The following SDK1 variants were observed in gnomAD, a reference collection of about 807,000 sequenced individuals.
SDK1 encodes the protein sidekick cell adhesion molecule 1, also known as protein sidekick-1.
SDK1 carries 157 observed loss-of-function variants against 245.5 expected under a neutral mutation model. The ratio of observed to expected loss-of-function variants is 0.64; its 90% CI spans 0.56 to 0.73. The LOEUF (loss-of-function observed/expected upper bound fraction) is 0.73, where lower values mean the gene tolerates loss of function less well. Among genes scored for constraint, SDK1 ranks in the 30% least tolerant of loss-of-function variants. The pLI is 0.00. For synonymous variants in SDK1, 1,647 were observed against 1,278.5 expected (o/e 1.29, Z -6.15); for missense variants, 3,583 against 3,002.3 (o/e 1.19, Z -4.52).
intron 4 of SDK1, among the ~76,000 whole-genome samples, chr7:3,665,911 A>G (rs1212895513): frequency 1.3e-5 from 2 of 152,144 alleles, no homozygotes; most frequent in Non-Finnish European, 2.9e-5. Context: ...CCATTTATGA[A>G]GGGCAGGGAA....
At chr7:3,541,189 T>G (rs1475096519) in intron 1 of SDK1, among the ~76,000 whole-genome samples, 2 of 152,238 alleles carry the variant, frequency 1.3e-5, no homozygotes, top group East Asian at 3.8e-4. Flanking sequence ...AGTGGACTCA[T>G]GGAGTATGTT....
chr7:4,215,477 G>A (rs1446899373), intron 38 of SDK1, among the ~76,000 whole-genome samples: 4 of 152,244 alleles, frequency 2.6e-5, no homozygotes, highest in Non-Finnish European at 5.9e-5. Flanking sequence ...TGCTGCCCTT[G>A]GAACCCAACC....
At chr7:4,148,241 C>G (rs996411153) in intron 29 of SDK1, among the ~76,000 whole-genome samples, 2 of 152,226 alleles carry the variant, frequency 1.3e-5, no homozygotes, top group Non-Finnish European at 1.5e-5. Flanking sequence ...CTCCCACACC[C>G]GCCACTGGGG....
At chr7:3,805,584 G>C (rs899950842) in intron 4 of SDK1, among the ~76,000 whole-genome samples, 3 of 152,206 alleles carry the variant, frequency 2.0e-5, no homozygotes, top group South Asian at 2.1e-4. Context: ...GACCATAGCA[G>C]TTCCCCCAGT....
At chr7:3,501,194 T>C (rs1782199631) in intron 1 of SDK1, among the ~76,000 whole-genome samples, 1 of 152,174 alleles carries the variant, frequency 6.6e-6, no homozygotes, top group African/African-American at 2.4e-5. Flanking sequence ...AGCTCTTTTC[T>C]TGGGGTAACT....
chr7:3,587,376 G>C (rs1158691860), intron 1 of SDK1, among the ~76,000 whole-genome samples: 1 of 152,030 alleles, frequency 6.6e-6, no homozygotes, highest in Admixed American at 6.6e-5. Context: ...TATGGAGGCT[G>C]AGAAGGCCCA....
intron 1 of SDK1, among the ~76,000 whole-genome samples, chr7:3,439,369 A>T (rs1226712459): frequency 6.6e-6 from 1 of 152,194 alleles, no homozygotes; most frequent in Non-Finnish European, 1.5e-5. Flanking sequence ...CAAGCTCCGG[A>T]TGCAGCTGTT....
At chr7:3,788,686 T>C (rs969993229) in intron 4 of SDK1, among the ~76,000 whole-genome samples, 1 of 152,166 alleles carries the variant, frequency 6.6e-6, no homozygotes, top group South Asian at 2.1e-4. Context: ...TCTCATAATG[T>C]TTTAAGTAAG....
intron 44 of SDK1, among the ~76,000 whole-genome samples, chr7:4,249,188 G>A (rs1409207065): frequency 6.6e-6 from 1 of 152,166 alleles, no homozygotes; most frequent in East Asian, 1.9e-4. Flanking sequence ...TGCACAGAGG[G>A]TGTTATCATC....
chr7:3,512,873 T>C (rs1265943042), intron 1 of SDK1, among the ~76,000 whole-genome samples: 1 of 152,194 alleles, frequency 6.6e-6, no homozygotes, highest in Non-Finnish European at 1.5e-5. Context: ...ATTATGTCAT[T>C]GTAACAGGTA....
intron 1 of SDK1, among the ~76,000 whole-genome samples, chr7:3,418,050 G>T (rs1238811823): frequency 6.8e-6 from 1 of 146,922 alleles, no homozygotes; most frequent in Non-Finnish European, 1.5e-5. Context: ...GAATCTGCCA[G>T]ATTACAACAA....
intron 1 of SDK1, among the ~76,000 whole-genome samples, chr7:3,579,427 C>T (rs909231216): frequency 1.3e-5 from 2 of 152,220 alleles, no homozygotes; most frequent in African/African-American, 2.4e-5. Context: ...ACAAAAATCA[C>T]ATGATTATCT....
intron 1 of SDK1, among the ~76,000 whole-genome samples, chr7:3,334,704 A>G (rs1019616437): frequency 2.0e-5 from 3 of 151,960 alleles, no homozygotes; most frequent in African/African-American, 2.4e-5. Flanking sequence ...TTCCCTTCCT[A>G]TCCTCAGGTT....
intron 1 of SDK1, among the ~76,000 whole-genome samples, chr7:3,538,342 T>G (rs971532462): frequency 6.6e-6 from 1 of 151,988 alleles, no homozygotes; most frequent in African/African-American, 2.4e-5. Context: ...ATCCTGTGCT[T>G]TTTTTTTGTT....
chr7:3,363,489 T>C (rs1781007639), intron 1 of SDK1, among the ~76,000 whole-genome samples: 1 of 152,178 alleles, frequency 6.6e-6, no homozygotes. Flanking sequence ...GGAATTCAGT[T>C]GTTGGCTTGT....
chr7:3,703,376 T>C (rs1260953692), intron 4 of SDK1, among the ~76,000 whole-genome samples: 1 of 152,244 alleles, frequency 6.6e-6, no homozygotes, highest in Non-Finnish European at 1.5e-5. Context: ...AGGTCACATG[T>C]TGTATGATTA....
chr7:3,508,899 G>C (rs970563418), intron 1 of SDK1, among the ~76,000 whole-genome samples: 2 of 152,206 alleles, frequency 1.3e-5, no homozygotes, highest in African/African-American at 4.8e-5. Context: ...TAGGAAGTGA[G>C]TATTTTATTC....
At chr7:4,071,203 T>G (rs1453421377) in intron 20 of SDK1, among the ~76,000 whole-genome samples, 1 of 151,832 alleles carries the variant, frequency 6.6e-6, no homozygotes, top group East Asian at 1.9e-4. Flanking sequence ...TTTTGTATTT[T>G]TAGTAGAGAC....
At chr7:3,326,755 A>G (rs369745068) in intron 1 of SDK1, among the ~76,000 whole-genome samples, 14 of 152,130 alleles carry the variant, frequency 9.2e-5, no homozygotes, top group Admixed American at 9.2e-4. Flanking sequence ...AGTTTAAGTA[A>G]TTTCAACTCA....
Sources: gnomAD v4.1 joint callset for allele counts (sites outside exome capture counted in the v4.1 genomes callset) on GRCh38, gnomAD v4.1.1 for gene constraint, MANE v1.5 for transcripts, NCBI Gene and HGNC (gene_info 2026-07-23, HGNC 2026-07-21) for gene names.